Variants in ROBO2 observed in about 807,000 individuals in gnomAD.
The protein encoded by ROBO2 is roundabout homolog 2.
ROBO2 carries 53 observed loss-of-function variants against 160.8 expected under a neutral mutation model. The observed-to-expected ratio is 0.33, with a 90% CI of 0.26 to 0.41. The LOEUF (loss-of-function observed/expected upper bound fraction) is 0.41, where lower values mean the gene tolerates loss of function less well. Among genes scored for constraint, ROBO2 ranks in the 10% least tolerant of loss-of-function variants. The pLI is 1.00. For missense variants in ROBO2, 1,577 were observed against 1,722.4 expected, an observed-to-expected ratio of 0.92 and a Z score of 1.49; for synonymous variants, 664 against 611.7, an observed-to-expected ratio of 1.09 and a Z score of -1.26.
chr3:76,953,368 G>A (rs2079066832), intron 2 of ROBO2, among the ~76,000 whole-genome samples: 1 of 152,198 alleles, frequency 6.6e-6, no homozygotes, highest in Non-Finnish European at 1.5e-5. Context: ...AGTCTGTTTA[G>A]TGATATCAGG....
At chr3:77,281,049 A>T (rs2060206237) in intron 2 of ROBO2, among the ~76,000 whole-genome samples, 1 of 152,204 alleles carries the variant, frequency 6.6e-6, no homozygotes, top group Admixed American at 6.5e-5. Context: ...CTCTGAGGAC[A>T]TCAAGTGGAA....
At chr3:76,678,727 T>C (rs898552699) in intron 2 of ROBO2, among the ~76,000 whole-genome samples, 46 of 152,262 alleles carry the variant, frequency 3.0e-4, no homozygotes, top group African/African-American at 1.0e-3. Context: ...TGGAGACAAG[T>C]ACTTAGGTGG....
chr3:76,947,503 C>T (rs758052572), intron 2 of ROBO2, among the ~76,000 whole-genome samples: 19 of 152,126 alleles, frequency 1.2e-4, no homozygotes, highest in East Asian at 9.6e-4. Context: ...TCCTCCAACA[C>T]GTTTTTTCTT....
chr3:76,262,136 A>G (rs1403875586), intron 2 of ROBO2, among the ~76,000 whole-genome samples: 2 of 152,166 alleles, frequency 1.3e-5, no homozygotes, highest in Non-Finnish European at 2.9e-5. Context: ...ACCTTTGCAT[A>G]TACGTCTCCT....
chr3:76,278,604 C>T (rs1708065384), intron 2 of ROBO2, among the ~76,000 whole-genome samples: 1 of 151,872 alleles, frequency 6.6e-6, no homozygotes, highest in South Asian at 2.1e-4. Context: ...TTTGTCCCGG[C>T]ATTTATTTTT....
In ROBO2 at chr3:76,738,956, A is replaced by G. The variant is rs17014618; in HGVS notation, c.110-359058A>G. Among the ~76,000 whole-genome samples, 383 of 152,250 alleles carry G rather than the reference A, an allele frequency of 2.5e-3. 15 individuals are homozygous for G. In the East Asian group the frequency reaches 0.066, roughly 26 times the overall value. The stretch of plus-strand genomic sequence containing the variant: ...AATAAATGAACTAACTCAGCAAGCA[A>G]AAAGGTAGTTGGGTGTGATTCAGAC... On this transcript the variant is annotated intron_variant, in intron 2 of 26. Transcript: ENST00000487694.
At chr3:76,482,410 A>G (rs981287381) in intron 2 of ROBO2, among the ~76,000 whole-genome samples, 1 of 152,128 alleles carries the variant, frequency 6.6e-6, no homozygotes, top group African/African-American at 2.4e-5. Context: ...AAAAACCATT[A>G]GTGTCTTTTT....
intron 2 of ROBO2, among the ~76,000 whole-genome samples, chr3:77,026,564 C>T (rs1464733494): frequency 1.3e-5 from 2 of 152,180 alleles, no homozygotes; most frequent in Admixed American, 1.3e-4. Flanking sequence ...GATTCTTTAT[C>T]TTCTGCAAAG....
At chr3:76,295,725 G>C (rs1243359229) in intron 2 of ROBO2, among the ~76,000 whole-genome samples, 1 of 152,070 alleles carries the variant, frequency 6.6e-6, no homozygotes, top group African/African-American at 2.4e-5. Flanking sequence ...CTTCTATTTG[G>C]ATTCTAAATT....
chr3:77,190,708 C>A (rs575678060), intron 2 of ROBO2, among the ~76,000 whole-genome samples: 1 of 151,976 alleles, frequency 6.6e-6, no homozygotes, highest in Non-Finnish European at 1.5e-5. Context: ...TTTGTTTCTG[C>A]TGCTCTATGC....
At chr3:76,926,897 GT>G (rs35883882) in intron 2 of ROBO2, among the ~76,000 whole-genome samples, 1 of 151,210 alleles carries the variant, frequency 6.6e-6, no homozygotes. Context: ...AGAGGACTCC[GT>G]TTTTTTTCAA....
At chr3:76,888,913 C>T (rs1044438234) in intron 2 of ROBO2, among the ~76,000 whole-genome samples, 1 of 152,212 alleles carries the variant, frequency 6.6e-6, no homozygotes, top group Non-Finnish European at 1.5e-5. Flanking sequence ...GGAATAATAA[C>T]CTTTAACACT....
intron 2 of ROBO2, among the ~76,000 whole-genome samples, chr3:77,406,225 T>C (rs1393635473): frequency 6.6e-6 from 1 of 152,160 alleles, no homozygotes; most frequent in Non-Finnish European, 1.5e-5. Flanking sequence ...TCACTCACTG[T>C]CATGAGACGA....
At chr3:77,601,923 A>G (rs559964954) in intron 19 of ROBO2, among the ~76,000 whole-genome samples, 1 of 152,314 alleles carries the variant, frequency 6.6e-6, no homozygotes, top group African/African-American at 2.4e-5. Flanking sequence ...AACTGAAAGC[A>G]TTTTTCTGTA....
intron 2 of ROBO2, among the ~76,000 whole-genome samples, chr3:76,991,463 C>T (rs1466058816): frequency 1.3e-5 from 2 of 152,108 alleles, no homozygotes; most frequent in Non-Finnish European, 2.9e-5. Flanking sequence ...AAATGTTGCT[C>T]ATATATCTAC....
At chr3:76,622,351 G>A (rs1268553488) in intron 2 of ROBO2, among the ~76,000 whole-genome samples, 1 of 151,620 alleles carries the variant, frequency 6.6e-6, no homozygotes, top group Non-Finnish European at 1.5e-5. Context: ...TGTAGTCCCA[G>A]CTACTTGGGA....
intron 2 of ROBO2, among the ~76,000 whole-genome samples, chr3:76,263,554 C>T (rs1173956720): frequency 6.6e-6 from 1 of 152,036 alleles, no homozygotes; most frequent in Non-Finnish European, 1.5e-5. Context: ...ACAGTGATAA[C>T]CAATTTGAGG....
intron 2 of ROBO2, among the ~76,000 whole-genome samples, chr3:76,918,965 C>CT (rs80159352): frequency 2.9e-4 from 42 of 147,272 alleles, no homozygotes; most frequent in South Asian, 6.4e-4. Context: ...ACATGTATGT[C>CT]TTTTTTTTTT....
chr3:76,767,653 A>C (rs1253686452), intron 2 of ROBO2, among the ~76,000 whole-genome samples: 3 of 151,560 alleles, frequency 2.0e-5, no homozygotes, highest in African/African-American at 7.2e-5. Context: ...TGATTTTAAG[A>C]AGGACTTTGT....
Sources: gnomAD v4.1 joint callset for allele counts (sites outside exome capture counted in the v4.1 genomes callset) on GRCh38, gnomAD v4.1.1 for gene constraint, MANE v1.5 for transcripts, NCBI Gene and HGNC (gene_info 2026-07-23, HGNC 2026-07-21) for gene names.